TNNI3K: variants seen among roughly 807,000 people sequenced by gnomAD.
TNNI3K encodes the protein TNNI3 interacting kinase.
Under a neutral mutation model 114.5 loss-of-function variants are expected in TNNI3K, and 140 were observed. The ratio of observed to expected loss-of-function variants is 1.22; its 90% CI spans 1.07 to 1.41. TNNI3K has a LOEUF of 1.41. Ranked by LOEUF, TNNI3K falls within the 40% of genes most tolerant of loss-of-function variation. The pLI, the probability that TNNI3K is intolerant of heterozygous loss-of-function variation, is 0.00. For synonymous variants in TNNI3K, 347 were observed against 347.5 expected, an observed-to-expected ratio of 1.00 and a Z score of 0.02; for missense variants, 1,125 against 1,007.6, an observed-to-expected ratio of 1.12 and a Z score of -1.58.
intron 5 of TNNI3K, among the ~76,000 whole-genome samples, chr1:74,304,747 CAAT>C (rs1346080252): frequency 6.6e-6 from 1 of 151,994 alleles, no homozygotes; most frequent in Non-Finnish European, 1.5e-5. Context: ...ACCCAGCTGA[CAAT>C]AAAATATTTT....
intron 23 of TNNI3K, among the ~76,000 whole-genome samples, chr1:74,516,452 G>A (rs556848504): frequency 6.6e-6 from 1 of 152,322 alleles, no homozygotes; most frequent in African/African-American, 2.4e-5. Context: ...AGGTGTCACA[G>A]TAAAGAGATG....
At chr1:74,453,792 G>T (rs750055102) in intron 20 of TNNI3K, among the ~76,000 whole-genome samples, 2 of 152,150 alleles carry the variant, frequency 1.3e-5, no homozygotes, top group African/African-American at 4.8e-5. Flanking sequence ...GCAGAACAGT[G>T]TGATGAATAA....
At chr1:74,532,189 C>A (rs35016895) in intron 23 of TNNI3K, among the ~76,000 whole-genome samples, 7,635 of 152,180 alleles carry the variant, frequency 0.05, 247 homozygotes, top group Non-Finnish European at 0.073. Flanking sequence ...AAGTTTAGTG[C>A]ATGTGTATCT....
chr1:74,382,746 A>C (rs1336303272), intron 17 of TNNI3K, among the ~76,000 whole-genome samples: 1 of 152,220 alleles, frequency 6.6e-6, no homozygotes, highest in East Asian at 1.9e-4. Flanking sequence ...TAATGGTTTT[A>C]GCAACCTACA....
chr1:74,523,786 A>T (rs45613831), intron 23 of TNNI3K, among the ~76,000 whole-genome samples: 2,882 of 152,270 alleles, frequency 0.019, 85 homozygotes, highest in African/African-American at 0.064. Flanking sequence ...TTCTTTTTTT[A>T]AAATTATACT....
intron 17 of TNNI3K, among the ~76,000 whole-genome samples, chr1:74,406,701 A>T (rs1557547566): frequency 1.3e-5 from 2 of 152,194 alleles, no homozygotes; most frequent in African/African-American, 4.8e-5. Flanking sequence ...ACACATTTAT[A>T]GGTTCTAGGG....
At position 74,354,100 on chromosome 1, in the gene TNNI3K, A is replaced by T; in HGVS notation, c.1148A>T (p.Gln383Leu). 1 of 1,614,100 alleles carries T rather than the reference A, an allele frequency of 6.2e-7. No homozygotes were observed. Among genetic ancestry groups the T allele is most frequent in the Non-Finnish European group, 8.5e-7 (1 of 1,180,000 alleles). The change falls in exon 11 of 25, where the codon CAG (glutamine) becomes CTG (leucine). Residue 383 changes from glutamine (Q) to leucine (L), a missense_variant. Physicochemically the swap from Gln to Leu is moderately radical, Grantham distance 113 (BLOSUM62 -2). Coordinates refer to ENST00000326637, the MANE Select transcript of TNNI3K (RefSeq NM_015978.3). ...PSRSSGEKDEQTCLMWAYEKG... is the reference protein window; with the variant it reads ...PSRSSGEKDELTCLMWAYEKG... ...AGGTCTAGTGGTGAAAAAGATGAGC[A>T]GACATGTTTGATGTGGGCTTATGAA... is the stretch of plus-strand genomic sequence containing the variant.
At chr1:74,536,687 C>A (rs1646664587) in intron 23 of TNNI3K, among the ~76,000 whole-genome samples, 1 of 152,036 alleles carries the variant, frequency 6.6e-6, no homozygotes, top group Admixed American at 6.6e-5. Flanking sequence ...CATATAGGAG[C>A]TAATAATTCA....
At chr1:74,466,951 A>G (rs751300559) in intron 21 of TNNI3K, among the ~76,000 whole-genome samples, 1 of 152,208 alleles carries the variant, frequency 6.6e-6, no homozygotes, top group African/African-American at 2.4e-5. Context: ...TAATGATTCT[A>G]TAGTTAACTG....
intron 23 of TNNI3K, among the ~76,000 whole-genome samples, chr1:74,493,230 T>C (rs1038565913): frequency 6.6e-6 from 1 of 152,164 alleles, no homozygotes; most frequent in Non-Finnish European, 1.5e-5. Flanking sequence ...TGGGAGTAAA[T>C]GCTTAATTGT....
chr1:74,505,890 T>C (rs965941483), intron 23 of TNNI3K, among the ~76,000 whole-genome samples: 13 of 152,346 alleles, frequency 8.5e-5, no homozygotes, highest in African/African-American at 3.1e-4. Context: ...TGCAGATGTT[T>C]TAAAGGCCTC....
chr1:74,259,988 A>AT (rs1288204753), intron 4 of TNNI3K, among the ~76,000 whole-genome samples: 4 of 152,120 alleles, frequency 2.6e-5, no homozygotes, highest in Admixed American at 2.0e-4. Flanking sequence ...AGATAACTCC[A>AT]TTTTTTAGGC....
chr1:74,466,115 T>C (rs1667669470), intron 21 of TNNI3K, among the ~76,000 whole-genome samples: 1 of 152,102 alleles, frequency 6.6e-6, no homozygotes, highest in Admixed American at 6.5e-5. Context: ...AGGAAGAAAC[T>C]CCGGACATAT....
intron 17 of TNNI3K, among the ~76,000 whole-genome samples, chr1:74,404,957 C>T (rs1029846262): frequency 6.6e-6 from 1 of 152,032 alleles, no homozygotes; most frequent in African/African-American, 2.4e-5. Flanking sequence ...ATGTGGCAGT[C>T]GTTGACTATA....
chr1:74,318,504 C>T (rs1417488900), intron 5 of TNNI3K, among the ~76,000 whole-genome samples: 2 of 152,164 alleles, frequency 1.3e-5, no homozygotes, highest in Admixed American at 1.3e-4. Context: ...ATTTGGCGGG[C>T]ACATGCTCTG....
intron 5 of TNNI3K, among the ~76,000 whole-genome samples, chr1:74,297,530 T>TGTGC (rs1360079016): frequency 1.3e-5 from 2 of 150,194 alleles, no homozygotes; most frequent in African/African-American, 4.9e-5. Context: ...TGCGTGTGTG[T>TGTGC]GTGTGTGTGT....
chr1:74,242,136 A>G (rs373858081), intron 2 of TNNI3K, among the ~76,000 whole-genome samples: 1 of 152,074 alleles, frequency 6.6e-6, no homozygotes, highest in East Asian at 1.9e-4. Context: ...AGCATGAGCC[A>G]CCGCGCCTGA....
rs1379081309 is a variant in TNNI3K at position 74,491,420 on chromosome 1, ATGTTGACCAGATGGTGTCGATC to A, written c.2182-666_2182-645del. 2.6e-5 allele frequency among the ~76,000 whole-genome samples: 4 copies of A among 152,248 alleles called. No homozygotes were observed. The South Asian group carries it at 8.3e-4, about 32-fold the overall frequency. ...TTTTTATTAGAGACGGGGTTTCACCATGTTGACCAGATGGTGTCGATCTGTTGACCAGGATGGTGTCGATCTC... is the reference window on the plus strand; with the variant it reads ...TTTTTATTAGAGACGGGGTTTCACCATGTTGACCAGGATGGTGTCGATCTC... On this transcript the variant is annotated intron_variant, in intron 22 of 24. Coordinates refer to ENST00000326637, the MANE Select transcript of TNNI3K (RefSeq NM_015978.3).
intron 5 of TNNI3K, among the ~76,000 whole-genome samples, chr1:74,282,912 C>T (rs1046756445): frequency 6.6e-6 from 1 of 152,090 alleles, no homozygotes; most frequent in African/African-American, 2.4e-5. Flanking sequence ...ATATGGAAAA[C>T]ATCGCAAGGG....
Sources: allele counts gnomAD v4.1 joint callset (sites outside exome capture counted in the v4.1 genomes callset), GRCh38; gene constraint gnomAD v4.1.1; transcripts MANE v1.5; gene names NCBI Gene and HGNC (gene_info 2026-07-23, HGNC 2026-07-21).